MLLT6: variants seen among roughly 807,000 people sequenced by gnomAD.
MLLT6 encodes protein AF-17.
Under a neutral mutation model 103.0 loss-of-function variants are expected in MLLT6, and 22 were observed. That is an observed-to-expected ratio of 0.21 (90% CI 0.15 to 0.31). MLLT6 has a LOEUF of 0.31. Among genes scored for constraint, MLLT6 ranks in the 10% least tolerant of loss-of-function variants. The pLI is 1.00. For missense variants in MLLT6, 1,199 were observed against 1,441.7 expected, an observed-to-expected ratio of 0.83 and a Z score of 2.73; for synonymous variants, 606 against 623.5, an observed-to-expected ratio of 0.97 and a Z score of 0.42.
At chr17:38,719,942 C>G in intron 14 of MLLT6, 47 bp downstream of exon 14, 3 of 1,514,470 alleles carry the variant, frequency 2.0e-6, no homozygotes, top group Non-Finnish European at 2.7e-6. Flanking sequence ...AGGGCCCTAA[C>G]AGTCACCTTT....
Position 38,717,877 on chromosome 17 carries a change from C to G in MLLT6, c.1866C>G (p.Leu622=), listed in dbSNP as rs143854877. Residue 622 remains leucine (L), a synonymous_variant, in exon 12 of 20, where the codon CTC becomes CTG. Transcript: ENST00000621332. ...VFSLAGSTFS[L]PSTHIFGTPM... ...CTCTGGCTGGCTCTACCTTTAGCCTCCCTTCTACCCACATCTTTGGAACCC... is the reference window on the plus strand; with the variant it reads ...CTCTGGCTGGCTCTACCTTTAGCCTGCCTTCTACCCACATCTTTGGAACCC... 2.0e-5 allele frequency: 32 copies of G among 1,614,082 alleles called. No individual in the cohort carries two copies. In the African/African-American group the frequency reaches 4.0e-4, roughly 20 times the overall value.
At chr17:38,715,934 C>A in intron 9 of MLLT6, 106 bp downstream of exon 9, 3 of 1,003,340 alleles carry the variant, frequency 3.0e-6, no homozygotes, top group Non-Finnish European at 4.4e-6. Context: ...ATTTACTTCT[C>A]CATTGGTTCA....
At chr17:38,720,131 C>A in intron 14 of MLLT6, 1 of 700,152 alleles carries the variant, frequency 1.4e-6, no homozygotes, top group Non-Finnish European at 2.3e-6. Flanking sequence ...CAAACCGCAA[C>A]TTCCGCCCTT....
At chr17:38,719,383 C>A in intron 12 of MLLT6, 134 bp from the exon 13 acceptor site, 1 of 825,964 alleles carries the variant, frequency 1.2e-6, no homozygotes, top group Non-Finnish European at 2.0e-6. Flanking sequence ...TGGCCTTGAA[C>A]TGCCAGTGTG....
chr17:38,711,024 C>T (rs1465358714), intron 6 of MLLT6, among the ~76,000 whole-genome samples: 1 of 152,124 alleles, frequency 6.6e-6, no homozygotes, highest in Non-Finnish European at 1.5e-5. Flanking sequence ...TCAGGCGGGC[C>T]ACGAAAGAGG....
Position 38,716,522 on chromosome 17 carries a change from G to A in MLLT6, c.1192G>A (p.Val398Met). 6.2e-7 allele frequency: 1 copy of A among 1,614,154 alleles called. No individual in the cohort carries two copies. Among genetic ancestry groups the A allele is most frequent in the Non-Finnish European group, 8.5e-7 (1 of 1,180,026 alleles). The change falls in exon 10 of 20, where the codon GTG (valine) becomes ATG (methionine). Residue 398 changes from valine to methionine, a missense_variant. Physicochemically the swap from Val to Met is conservative, Grantham distance 21 (BLOSUM62 1). Coordinates refer to ENST00000621332, the MANE Select transcript of MLLT6 (RefSeq NM_005937.4). This position sits in a 1 kb window ranked among gnomAD's most constrained non-coding sequence, Gnocchi z 5.6. ...CAAGGCTGACCTTTTTGAGCAGAAGGTGGTCTTCTCTGGCTTTGGGCCCAT... is the reference window on the plus strand; with the variant it reads ...CAAGGCTGACCTTTTTGAGCAGAAGATGGTCTTCTCTGGCTTTGGGCCCAT... ...PPKADLFEQK[V>M]VFSGFGPIMR...
In MLLT6 at chr17:38,726,343, C is replaced by T. The variant is rs1303511115; in HGVS notation, c.*745C>T. 1 of 234,090 alleles carries T rather than the reference C, an allele frequency of 4.3e-6. No individual in the cohort carries two copies. Among genetic ancestry groups the T allele is most frequent in the Non-Finnish European group, 8.4e-6 (1 of 118,730 alleles). 14.5% of individuals were successfully genotyped at this position (234,090 alleles called of 1,614,324 possible). A position where few individuals can be genotyped will look rare whatever the true frequency, so the allele number is the denominator to read the frequency against. Reference sequence around the variant, plus strand: ...AGGGTGGGGAGATGGAGCTGCCCGTCTCAGTGTGTGAGTGTGTGTGTGCGT... The same window carrying T: ...AGGGTGGGGAGATGGAGCTGCCCGTTTCAGTGTGTGAGTGTGTGTGTGCGT... On this transcript the variant is annotated 3_prime_UTR_variant, in exon 20 of 20. Coordinates refer to ENST00000621332, the MANE Select transcript of MLLT6 (RefSeq NM_005937.4).
In MLLT6 at chr17:38,716,429, G is replaced by A; in HGVS notation, c.1099G>A (p.Asp367Asn). Residue 367 changes from aspartate (D) to asparagine (N), a missense_variant, in exon 10 of 20, where the codon GAC becomes AAC. By Grantham distance (23) the Asp-to-Asn change is conservative (BLOSUM62 1). Transcript: ENST00000621332. This position sits in a 1 kb window ranked among gnomAD's most constrained non-coding sequence, Gnocchi z 5.6. ...AFPKLEQPEE[D>N]KYSKPTAPAP... is the part of the protein sequence containing the mutation. ...CCCCAAGCTGGAGCAGCCAGAGGAGGACAAGTACTCCAAGCCCACAGCCCC... is the reference window on the plus strand; with the variant it reads ...CCCCAAGCTGGAGCAGCCAGAGGAGAACAAGTACTCCAAGCCCACAGCCCC... 6.2e-7 allele frequency: 1 copy of A among 1,613,810 alleles called. No individual in the cohort carries two copies. Among genetic ancestry groups the A allele is most frequent in the South Asian group, 1.1e-5 (1 of 91,056 alleles).
chr17:38,715,430 C>T (rs954926859), intron 8 of MLLT6, 182 bp from the exon 9 acceptor site: 1 of 1,019,958 alleles, frequency 9.8e-7, no homozygotes, highest in Non-Finnish European at 1.4e-6. Context: ...AGTGCCACAG[C>T]TGCCTCCCCA....
Position 38,719,504 on chromosome 17 carries a change from C to A in MLLT6, c.1943-13C>A. The A allele has an allele frequency of 1.9e-6, 3 of 1,604,764 alleles. No homozygotes were observed. Among genetic ancestry groups the A allele is most frequent in the Non-Finnish European group, 2.6e-6 (3 of 1,176,176 alleles). On this transcript the variant is annotated splice_polypyrimidine_tract_variant and intron_variant, in intron 12 of 19. Transcript: ENST00000621332. ...ACTCCTCCACGCTGATCCCAGCCTT[C>A]CCTTCTTCCAAGAGCCAGACCTGGA...
chr17:38,727,153 AAAG>A lies in MLLT6; in HGVS notation c.*1558_*1560del, dbSNP rs1906081265. Reference sequence around the variant, plus strand: ...GTTGGGTTTTTTTTTTTTTTTTAATAAAGAAAAGAAGATGTGTATATTTTTGGC... The same window carrying A: ...GTTGGGTTTTTTTTTTTTTTTTAATAAAAAGAAGATGTGTATATTTTTGGC... On this transcript the variant is annotated 3_prime_UTR_variant, in exon 20 of 20. Transcript: ENST00000621332. 3 of 229,908 alleles carry A rather than the reference AAAG, an allele frequency of 1.3e-5. No homozygotes were observed. The South Asian group carries it at 5.5e-4, about 42-fold the overall frequency. The allele number at this position is 229,908 out of a possible 1,614,324, so 14.2% of individuals were successfully genotyped here.
In MLLT6 at chr17:38,720,669, C is replaced by T; in HGVS notation, c.2364C>T (p.Ser788=). ...PYGLPPQAGS[S]DSLSTSKSPP... The stretch of plus-strand genomic sequence containing the variant: ...ACATCCCTCCCACAGCCGGCAGCAG[C>T]GACTCCTTGAGCACCAGCAAGAGCC... The change falls in exon 16 of 20, where the codon AGC becomes AGT. Residue 788 remains serine (S), a synonymous_variant. Coordinates refer to ENST00000621332, the MANE Select transcript of MLLT6 (RefSeq NM_005937.4). 2 of 1,613,746 alleles carry T rather than the reference C, an allele frequency of 1.2e-6. No homozygotes were observed. The highest frequency in any genetic ancestry group is 1.1e-5 in the South Asian group (1 of 91,084).
In MLLT6 at chr17:38,722,655, CCCA is replaced by C. The variant is rs1567930921; in HGVS notation, c.2793-20_2793-18del. The C allele has an allele frequency of 8.3e-5, 38 of 459,060 alleles. No homozygotes were observed. Among genetic ancestry groups the C allele is most frequent in the Non-Finnish European group, 1.3e-4 (33 of 245,744 alleles). 28.4% of individuals were successfully genotyped at this position (459,060 alleles called of 1,614,324 possible). A position where few individuals can be genotyped will look rare whatever the true frequency, so the allele number is the denominator to read the frequency against. ...CCCATGGTCTGTGTGTTGTCCCCCCCCCACCCCCCACCCCCACCTCAGCCTTAC... is the reference window on the plus strand; with the variant it reads ...CCCATGGTCTGTGTGTTGTCCCCCCCCCCCCCACCCCCACCTCAGCCTTAC... On this transcript the variant is annotated intron_variant, in intron 17 of 19. Transcript: ENST00000621332.
At chr17:38,723,531 C>T (rs1408752702) in intron 18 of MLLT6, among the ~76,000 whole-genome samples, 1 of 152,098 alleles carries the variant, frequency 6.6e-6, no homozygotes, top group African/African-American at 2.4e-5. Context: ...GAAAAATCAA[C>T]ATTTTCATAT....
At position 38,728,110 on chromosome 17, in the gene MLLT6, G is replaced by C; in HGVS notation, c.*2512G>C. 4.3e-6 allele frequency: 1 copy of C among 233,328 alleles called. No individual in the cohort carries two copies. The highest frequency in any genetic ancestry group is 8.5e-6 in the Non-Finnish European group (1 of 118,086). 14.5% of individuals were successfully genotyped at this position (233,328 alleles called of 1,614,324 possible). ...CTTGCATTCCCCAGACTGGACTACT[G>C]TGGCGGTTAGGTTAGATTTGAAGAC... On this transcript the variant is annotated 3_prime_UTR_variant, in exon 20 of 20. Coordinates refer to ENST00000621332, the MANE Select transcript of MLLT6 (RefSeq NM_005937.4).
At chr17:38,707,943 C>T in intron 4 of MLLT6, 71 bp downstream of exon 4, 1 of 991,788 alleles carries the variant, frequency 1.0e-6, no homozygotes, top group Middle Eastern at 2.1e-4. Flanking sequence ...CTCTCTTCAT[C>T]CGGTGTAATT....
chr17:38,721,813 G>T (rs1030066490), intron 16 of MLLT6, 65 bp from the exon 17 acceptor site: 4 of 1,145,792 alleles, frequency 3.5e-6, no homozygotes, highest in Non-Finnish European at 4.9e-6. Context: ...GCTGGTGGGT[G>T]CTGGGCCAGG....
chr17:38,710,377 G>A (rs1905104067), intron 6 of MLLT6, among the ~76,000 whole-genome samples: 1 of 152,220 alleles, frequency 6.6e-6, no homozygotes, highest in African/African-American at 2.4e-5. Flanking sequence ...GTTGGCTGCA[G>A]CTTGGATCTA....
At position 38,715,750 on chromosome 17, in the gene MLLT6, G is replaced by A. The variant is rs1246242732; in HGVS notation, c.958G>A (p.Gly320Ser). 1 of 1,614,070 alleles carries A rather than the reference G, an allele frequency of 6.2e-7. No individual in the cohort carries two copies. Among genetic ancestry groups the A allele is most frequent in the Admixed American group, 1.7e-5 (1 of 59,998 alleles). ...HKGKKLSSGK[G>S]VSSFTSASSS... is the part of the protein sequence containing the mutation. The stretch of plus-strand genomic sequence containing the variant: ...AGGGAAGAAACTGAGCAGTGGGAAA[G>A]GTGTGAGCAGTTTTACCTCCGCCTC... The change falls in exon 9 of 20, where the codon GGT becomes AGT. Residue 320 changes from glycine (G) to serine (S), a missense_variant. Physicochemically the swap from Gly to Ser is moderately conservative, Grantham distance 56. Around this residue, in one of 7 missense-constraint regions of MLLT6, gnomAD observed 1,034 missense variants for 1,091.5 expected, o/e 0.95. Transcript: ENST00000621332.
Sources: gnomAD v4.1 joint callset for allele counts (sites outside exome capture counted in the v4.1 genomes callset) on GRCh38, gnomAD v4.1.1 for gene constraint, gnomAD v4.1.1 regional missense constraint, Gnocchi (gnomAD v3.1) non-coding constraint, MANE v1.5 for transcripts, NCBI Gene and HGNC (gene_info 2026-07-23, HGNC 2026-07-21) for gene names.